CNTN5: variants seen among roughly 807,000 people sequenced by gnomAD.
CNTN5 encodes contactin 5.
CNTN5 carries 77 observed loss-of-function variants against 129.1 expected under a neutral mutation model. The observed-to-expected ratio is 0.60, with a 90% CI of 0.50 to 0.72. The LOEUF is 0.72. Among genes scored for constraint, CNTN5 ranks in the 30% least tolerant of loss-of-function variants. The pLI, the probability that CNTN5 is intolerant of heterozygous loss-of-function variation, is 0.00. For missense variants in CNTN5, 1,478 were observed against 1,328.8 expected (o/e 1.11, Z -1.75); for synonymous variants, 509 against 465.6 (o/e 1.09, Z -1.20).
intron 1 of CNTN5, among the ~76,000 whole-genome samples, chr11:99,145,518 C>T (rs1350735181): frequency 6.6e-6 from 1 of 151,972 alleles, no homozygotes; most frequent in South Asian, 2.1e-4. Context: ...TTCTTATAAT[C>T]CTATTTGTCT....
chr11:100,312,504 A>T (rs1951490140), intron 21 of CNTN5, among the ~76,000 whole-genome samples: 1 of 152,058 alleles, frequency 6.6e-6, no homozygotes, highest in Non-Finnish European at 1.5e-5. Context: ...TTATTACTAA[A>T]ATATAATGAA....
chr11:99,965,081 A>G (rs1409037825), intron 8 of CNTN5, among the ~76,000 whole-genome samples: 3 of 151,984 alleles, frequency 2.0e-5, no homozygotes, highest in Admixed American at 1.3e-4. Flanking sequence ...CTAGCGGTCT[A>G]TTAATTTTGT....
chr11:99,936,770 C>T (rs575518334), intron 7 of CNTN5, among the ~76,000 whole-genome samples: 2 of 152,208 alleles, frequency 1.3e-5, no homozygotes, highest in South Asian at 2.1e-4. Flanking sequence ...ACAAAACATT[C>T]CTGGTTGAGA....
At position 100,278,637 on chromosome 11, in the gene CNTN5, T is replaced by G. The variant is rs1313035504; in HGVS notation, c.2314+7396T>G. ...AGTTTGCATATAAAAATGCTACTGATTTTTGTATGTTGATTTTGTATCCTG... is the reference window on the plus strand; with the variant it reads ...AGTTTGCATATAAAAATGCTACTGAGTTTTGTATGTTGATTTTGTATCCTG... On this transcript the variant is annotated intron_variant, in intron 18 of 24. Coordinates refer to ENST00000524871, the MANE Select transcript of CNTN5 (RefSeq NM_014361.4). Among the ~76,000 whole-genome samples, 4 of 152,110 alleles carry G rather than the reference T, an allele frequency of 2.6e-5. No homozygotes were observed. The East Asian group carries it at 7.7e-4, about 29-fold the overall frequency.
chr11:99,769,208 C>T (rs1217250811), intron 3 of CNTN5, among the ~76,000 whole-genome samples: 1 of 152,094 alleles, frequency 6.6e-6, no homozygotes, highest in Non-Finnish European at 1.5e-5. Flanking sequence ...TTTATTCCTT[C>T]ATGACTGCCT....
chr11:99,591,168 G>A (rs887293393), intron 3 of CNTN5, among the ~76,000 whole-genome samples: 7 of 152,022 alleles, frequency 4.6e-5, no homozygotes, highest in East Asian at 3.9e-4. Context: ...TCTTAGGCCC[G>A]TGTATCTTTT....
intron 9 of CNTN5, among the ~76,000 whole-genome samples, chr11:100,019,329 TATGGATCA>T (rs1941001852): frequency 1.3e-5 from 2 of 151,976 alleles, no homozygotes; most frequent in African/African-American, 4.8e-5. Flanking sequence ...ATGATACAGG[TATGGATCA>T]AAGTTCATTA....
intron 7 of CNTN5, among the ~76,000 whole-genome samples, chr11:99,934,945 TATAC>T (rs1194475559): frequency 0.048 from 3,730 of 76,926 alleles, 58 homozygotes; most frequent in South Asian, 0.062. Flanking sequence ...TATATATATA[TATAC>T]ACACACATAT....
At chr11:99,324,633 A>C (rs1202517941) in intron 1 of CNTN5, among the ~76,000 whole-genome samples, 1 of 152,214 alleles carries the variant, frequency 6.6e-6, no homozygotes, top group Non-Finnish European at 1.5e-5. Flanking sequence ...TCATTAAACA[A>C]TGAACTTCAT....
intron 2 of CNTN5, among the ~76,000 whole-genome samples, chr11:99,538,796 A>C (rs1591243647): frequency 6.6e-6 from 1 of 152,242 alleles, no homozygotes; most frequent in East Asian, 1.9e-4. Context: ...TCTTGTTTCT[A>C]AGAACAATTA....
intron 3 of CNTN5, among the ~76,000 whole-genome samples, chr11:99,660,686 C>T (rs182467907): frequency 8.0e-4 from 121 of 152,156 alleles, no homozygotes; most frequent in African/African-American, 2.5e-3. Flanking sequence ...ATGGTTCTTA[C>T]GCTAGAGGAG....
At chr11:99,806,199 T>C (rs2135499091) in intron 3 of CNTN5, among the ~76,000 whole-genome samples, 1 of 152,262 alleles carries the variant, frequency 6.6e-6, no homozygotes, top group East Asian at 1.9e-4. Flanking sequence ...GACAAACTAA[T>C]CTTCTTAAGC....
At chr11:99,662,844 T>G (rs2135922016) in intron 3 of CNTN5, among the ~76,000 whole-genome samples, 1 of 152,306 alleles carries the variant, frequency 6.6e-6, no homozygotes, top group African/African-American at 2.4e-5. Context: ...GTAACTGCAT[T>G]TTTAAAAAGC....
chr11:99,799,103 A>G (rs1021066177), intron 3 of CNTN5, among the ~76,000 whole-genome samples: 5 of 152,054 alleles, frequency 3.3e-5, no homozygotes, highest in African/African-American at 7.2e-5. Context: ...TGATTTTTGT[A>G]CATTAATTTT....
At chr11:99,245,205 A>T (rs1057190252) in intron 1 of CNTN5, among the ~76,000 whole-genome samples, 11 of 152,216 alleles carry the variant, frequency 7.2e-5, no homozygotes, top group African/African-American at 2.7e-4. Flanking sequence ...TGTGTCTAGC[A>T]ACAATTAATT....
chr11:99,471,004 G>C (rs1385109707), intron 2 of CNTN5, among the ~76,000 whole-genome samples: 1 of 151,946 alleles, frequency 6.6e-6, no homozygotes, highest in Non-Finnish European at 1.5e-5. Context: ...GACACTTTCA[G>C]GTCTGGGTTC....
At chr11:99,680,122 A>G (rs1229192606) in intron 3 of CNTN5, among the ~76,000 whole-genome samples, 2 of 152,210 alleles carry the variant, frequency 1.3e-5, no homozygotes, top group African/African-American at 2.4e-5. Context: ...AAAATGAAAG[A>G]TGAAGCAGAA....
At chr11:99,513,226 C>G (rs1297739623) in intron 2 of CNTN5, among the ~76,000 whole-genome samples, 1 of 152,154 alleles carries the variant, frequency 6.6e-6, no homozygotes, top group Non-Finnish European at 1.5e-5. Context: ...TCTTTGAAGG[C>G]TGACAGAGTT....
chr11:100,286,361 A>T (rs2138840915), intron 18 of CNTN5, among the ~76,000 whole-genome samples: 1 of 151,856 alleles, frequency 6.6e-6, no homozygotes, highest in East Asian at 2.0e-4. Flanking sequence ...TCCCTGTCTG[A>T]CAGCTTTGAA....
Sources: allele counts gnomAD v4.1 joint callset (sites outside exome capture counted in the v4.1 genomes callset), GRCh38; gene constraint gnomAD v4.1.1; transcripts MANE v1.5; gene names NCBI Gene and HGNC (gene_info 2026-07-23, HGNC 2026-07-21).